The following ALPK1 variants were observed in gnomAD, a reference collection of about 807,000 sequenced individuals.
The protein encoded by ALPK1 is alpha-protein kinase 1.
ALPK1 carries 110 observed loss-of-function variants against 120.6 expected under a neutral mutation model. The observed-to-expected ratio is 0.91, with a 90% CI of 0.78 to 1.07. The LOEUF (loss-of-function observed/expected upper bound fraction) is 1.07. ALPK1 is among the 50% of genes least tolerant of loss of function. The probability of loss-of-function intolerance (pLI) is 0.00; values close to 1 mark genes in which losing one functional copy is unlikely to be tolerated. For synonymous variants in ALPK1, 582 were observed against 560.3 expected (o/e 1.04, Z -0.55); for missense variants, 1,498 against 1,483.9 (o/e 1.01, Z -0.16).
At chr4:112,358,237 C>A in intron 2 of ALPK1, 1 of 591,430 alleles carries the variant, frequency 1.7e-6, no homozygotes, top group East Asian at 4.1e-5. Flanking sequence ...ACAGGGTTGC[C>A]TTTGCAGACG....
intron 5 of ALPK1, among the ~76,000 whole-genome samples, chr4:112,415,510 G>T (rs566634293): frequency 1.3e-5 from 2 of 151,964 alleles, no homozygotes; most frequent in Non-Finnish European, 2.9e-5. Context: ...GGTGGCAGGC[G>T]CACGAAATCC....
intron 4 of ALPK1, among the ~76,000 whole-genome samples, chr4:112,397,970 A>G (rs1732735473): frequency 6.6e-6 from 1 of 152,166 alleles, no homozygotes; most frequent in Non-Finnish European, 1.5e-5. Flanking sequence ...AATATTGGAG[A>G]GTAATAAAGT....
At chr4:112,324,124 G>A (rs1416794192) in intron 2 of ALPK1, among the ~76,000 whole-genome samples, 2 of 152,086 alleles carry the variant, frequency 1.3e-5, no homozygotes, top group Admixed American at 1.3e-4. Flanking sequence ...TCAGGAGATC[G>A]AGACCATCCT....
At chr4:112,359,759 C>T (rs905972058) in intron 2 of ALPK1, 50 of 401,308 alleles carry the variant, frequency 1.2e-4, no homozygotes, top group Non-Finnish European at 2.2e-4. Flanking sequence ...ACGTGCCCAA[C>T]CTGCACACTG....
chr4:112,411,839 G>A lies in ALPK1; in HGVS notation c.289G>A (p.Ala97Thr). 6.2e-7 allele frequency: 1 copy of A among 1,612,168 alleles called. No individual in the cohort carries two copies. The highest frequency in any genetic ancestry group is 8.5e-7 in the Non-Finnish European group (1 of 1,179,228). Residue 97 changes from alanine to threonine, a missense_variant, in exon 5 of 16, where the codon GCC becomes ACC. Coordinates refer to ENST00000650871, the MANE Select transcript of ALPK1 (RefSeq NM_025144.4). The stretch of plus-strand genomic sequence containing the variant: ...GCTGTTCCTCCAGGCGTCCCTGAGG[G>A]CCTCCATCCTCGCTCGGGACTGTGC... ...GLQQLLASLR[A>T]SILARDCAAA...
At chr4:112,391,617 G>A (rs968887931) in intron 4 of ALPK1, among the ~76,000 whole-genome samples, 1 of 152,164 alleles carries the variant, frequency 6.6e-6, no homozygotes, top group African/African-American at 2.4e-5. Context: ...TAGAGACATA[G>A]GGTAAATGCC....
intron 2 of ALPK1, among the ~76,000 whole-genome samples, chr4:112,360,494 T>C (rs927087640): frequency 2.6e-5 from 4 of 152,256 alleles, no homozygotes; most frequent in South Asian, 2.1e-4. Flanking sequence ...ATATCTTGGC[T>C]ATTGTGAATA....
chr4:112,384,186 A>G (rs542206779), intron 4 of ALPK1: 61 of 152,344 alleles, frequency 4.0e-4, no homozygotes, highest in African/African-American at 1.5e-3. Context: ...TAAGTGGTGA[A>G]ATTGTGACTT....
At chr4:112,308,972 G>A (rs1296866086) in intron 1 of ALPK1, among the ~76,000 whole-genome samples, 1 of 152,158 alleles carries the variant, frequency 6.6e-6, no homozygotes, top group Non-Finnish European at 1.5e-5. Context: ...TAACAGTCAG[G>A]ACCCTCAGCT....
At chr4:112,312,900 C>G (rs1342342796) in intron 1 of ALPK1, among the ~76,000 whole-genome samples, 1 of 152,204 alleles carries the variant, frequency 6.6e-6, no homozygotes, top group South Asian at 2.1e-4. Context: ...GGGAGGAAAC[C>G]AAGCAGTTCC....
chr4:112,352,013 C>T (rs1730383011), intron 2 of ALPK1, among the ~76,000 whole-genome samples: 1 of 152,146 alleles, frequency 6.6e-6, no homozygotes, highest in Non-Finnish European at 1.5e-5. Flanking sequence ...ATCCTATTCC[C>T]TCTAGAATTA....
chr4:112,424,086 A>G (rs1176569739), intron 6 of ALPK1, 83 bp downstream of exon 6: 11 of 1,340,906 alleles, frequency 8.2e-6, no homozygotes, highest in Middle Eastern at 2.4e-4. Flanking sequence ...GTGACTTAAT[A>G]GTTACTATAC....
At chr4:112,390,543 A>G (rs1296494418) in intron 4 of ALPK1, among the ~76,000 whole-genome samples, 1 of 152,162 alleles carries the variant, frequency 6.6e-6, no homozygotes, top group Admixed American at 6.5e-5. Context: ...GTTCACCATT[A>G]TATCCCTGAC....
intron 2 of ALPK1, chr4:112,357,753 G>A: frequency 1.6e-6 from 2 of 1,250,554 alleles, no homozygotes; most frequent in South Asian, 1.2e-5. Flanking sequence ...GGAAGGCTCT[G>A]GGCAACATCG....
intron 5 of ALPK1, chr4:112,415,220 G>A (rs1733685494): frequency 6.6e-6 from 1 of 152,118 alleles, no homozygotes; most frequent in African/African-American, 2.4e-5. Context: ...AAATTGTTCA[G>A]GACTGAAATT....
chr4:112,426,775 G>A (rs1424470288), intron 8 of ALPK1, among the ~76,000 whole-genome samples: 1 of 152,086 alleles, frequency 6.6e-6, no homozygotes, highest in Non-Finnish European at 1.5e-5. Context: ...ATTTGTAACT[G>A]TCCATTTATA....
chr4:112,317,339 A>G (rs1029453359), intron 2 of ALPK1, among the ~76,000 whole-genome samples: 1 of 151,794 alleles, frequency 6.6e-6, no homozygotes, highest in East Asian at 1.9e-4. Context: ...CCTTCCTCCT[A>G]TGTGTTCTTC....
chr4:112,388,233 T>G (rs1276279387), intron 4 of ALPK1, among the ~76,000 whole-genome samples: 1 of 152,148 alleles, frequency 6.6e-6, no homozygotes, highest in Admixed American at 6.5e-5. Context: ...GGGGTGAGAT[T>G]TAAAACATGA....
intron 4 of ALPK1, among the ~76,000 whole-genome samples, chr4:112,397,059 G>A (rs576816136): frequency 1.3e-5 from 2 of 152,234 alleles, no homozygotes; most frequent in South Asian, 2.1e-4. Flanking sequence ...TTATAGATGT[G>A]AGCCACAGTG....
Sources: gnomAD v4.1 joint callset for allele counts (sites outside exome capture counted in the v4.1 genomes callset) on GRCh38, gnomAD v4.1.1 for gene constraint, MANE v1.5 for transcripts, NCBI Gene and HGNC (gene_info 2026-07-23, HGNC 2026-07-21) for gene names.